The following LONP2 variants were observed in gnomAD, a reference collection of about 807,000 sequenced individuals.
LONP2 encodes lon peptidase 2, peroxisomal.
In LONP2, 60 loss-of-function variants were observed where a neutral mutation model predicts 85.6. That is an observed-to-expected ratio of 0.70 (90% CI 0.57 to 0.87). LONP2 has a LOEUF of 0.87. LONP2 is among the 40% of genes least tolerant of loss of function. The probability of loss-of-function intolerance (pLI) is 0.00; values close to 1 mark genes in which losing one functional copy is unlikely to be tolerated. For synonymous variants in LONP2, 395 were observed against 389.7 expected (o/e 1.01, Z -0.16); for missense variants, 860 against 1,063.5 (o/e 0.81, Z 2.66).
intron 1 of LONP2, among the ~76,000 whole-genome samples, chr16:48,244,929 C>A (rs1971272612): frequency 6.6e-6 from 1 of 152,150 alleles, no homozygotes; most frequent in Non-Finnish European, 1.5e-5. Context: ...CTTCAGCCTC[C>A]TAGGCCAGTG....
chr16:48,342,554 T>G lies in LONP2; in HGVS notation c.1939-4953T>G, dbSNP rs116662735. 4.2e-3 allele frequency among the ~76,000 whole-genome samples: 641 copies of G among 152,300 alleles called. 5 individuals are homozygous for G. Among genetic ancestry groups the G allele is most frequent in the African/African-American group, 0.015 (609 of 41,562 alleles). ...CCAAGAAAAGGCCCTACTGGAAGGA[T>G]TGGAGAGCAGCTGGTTCTCAGCAAT... On this transcript the variant is annotated intron_variant, in intron 12 of 14. Coordinates refer to ENST00000285737, the MANE Select transcript of LONP2 (RefSeq NM_031490.5).
intron 9 of LONP2, among the ~76,000 whole-genome samples, chr16:48,297,889 G>A (rs1314833934): frequency 6.6e-6 from 1 of 152,026 alleles, no homozygotes; most frequent in Non-Finnish European, 1.5e-5. Flanking sequence ...TAGTAGAGAT[G>A]GGATTTCACC....
downstream of LONP2, chr16:48,361,343 C>A: frequency 2.4e-6 from 1 of 420,192 alleles, no homozygotes; most frequent in South Asian, 3.6e-5. Flanking sequence ...ACAAAAGATG[C>A]CCATCTTGGG....
At chr16:48,336,203 A>G (rs1047709957) in intron 12 of LONP2, among the ~76,000 whole-genome samples, 1 of 152,240 alleles carries the variant, frequency 6.6e-6, no homozygotes, top group Non-Finnish European at 1.5e-5. Flanking sequence ...CATTGCTGAC[A>G]TTCCTGGAGC....
chr16:48,306,476 T>C (rs1213490746), intron 11 of LONP2, among the ~76,000 whole-genome samples: 1 of 152,184 alleles, frequency 6.6e-6, no homozygotes, highest in East Asian at 1.9e-4. Flanking sequence ...TCACAGGACA[T>C]CTCCTAAAAG....
At chr16:48,347,783 T>A (rs2151033384) in intron 13 of LONP2, 69 bp downstream of exon 13, 1 of 1,423,598 alleles carries the variant, frequency 7.0e-7, no homozygotes. Flanking sequence ...GAGACTGGCA[T>A]GAGCTCGAGA....
At position 48,252,299 on chromosome 16, in the gene LONP2, C is replaced by T. The variant is rs553483695; in HGVS notation, c.402C>T (p.Pro134=). The T allele has an allele frequency of 2.0e-5, 33 of 1,613,910 alleles. No homozygotes were observed. In the East Asian group the frequency reaches 7.1e-4, roughly 35 times the overall value. ...VEQLDRLEEF[P]NTCKMREELG... is the part of the protein sequence containing the mutation. The stretch of plus-strand genomic sequence containing the variant: ...AGTTGGACCGACTTGAGGAGTTTCC[C>T]AACACCTGTAAAATGAGGGAGGAGC... Residue 134 remains proline, a synonymous_variant, in exon 2 of 15, where the codon CCC becomes CCT. Coordinates refer to ENST00000285737, the MANE Select transcript of LONP2 (RefSeq NM_031490.5).
downstream of LONP2, chr16:48,357,352 A>AT (rs1960413937): frequency 1.3e-5 from 2 of 152,178 alleles, no homozygotes; most frequent in South Asian, 4.1e-4. Flanking sequence ...CTTTTGGTAA[A>AT]TTCAGGTTAG....
intron 12 of LONP2, among the ~76,000 whole-genome samples, chr16:48,337,368 T>C (rs1184903946): frequency 6.6e-6 from 1 of 152,198 alleles, no homozygotes; most frequent in African/African-American, 2.4e-5. Flanking sequence ...GAGGCTGGGC[T>C]CAACTTGTTG....
At chr16:48,358,199 A>C (rs1960445635), downstream of LONP2, among the ~76,000 whole-genome samples, 1 of 152,214 alleles carries the variant, frequency 6.6e-6, no homozygotes, top group African/African-American at 2.4e-5. Flanking sequence ...TAAACACAAA[A>C]TGTACTACCT....
Position 48,352,029 on chromosome 16 carries a change from C to G in LONP2, c.*227C>G. On this transcript the variant is annotated 3_prime_UTR_variant, in exon 15 of 15. Transcript: ENST00000285737. ...TCTTGTCTTTTTAGTGGGATCCTTA[C>G]TGTCCCTGGAAAGATATAGCATAGT... 1.8e-6 allele frequency: 1 copy of G among 553,232 alleles called. No homozygotes were observed. Among genetic ancestry groups the G allele is most frequent in the East Asian group, 3.1e-5 (1 of 32,448 alleles). The allele number at this position is 553,232 out of a possible 1,614,324, so 34.3% of individuals were successfully genotyped here. A position where few individuals can be genotyped will look rare whatever the true frequency, so the allele number is the denominator to read the frequency against.
intron 1 of LONP2, among the ~76,000 whole-genome samples, chr16:48,251,742 A>G (rs1369056192): frequency 3.9e-5 from 6 of 152,242 alleles, no homozygotes; most frequent in African/African-American, 7.2e-5. Context: ...GGTTTATGCT[A>G]TTTATATTTA....
intron 12 of LONP2, among the ~76,000 whole-genome samples, chr16:48,335,518 A>G (rs1241070524): frequency 6.6e-6 from 1 of 152,240 alleles, no homozygotes; most frequent in Non-Finnish European, 1.5e-5. Flanking sequence ...GAGCTTTCAT[A>G]GGTTGGTTAC....
At chr16:48,351,546 T>C (rs751507898) in intron 14 of LONP2, 35 bp from the exon 15 acceptor site, 4 of 1,563,024 alleles carry the variant, frequency 2.6e-6, no homozygotes, top group Non-Finnish European at 3.5e-6. Context: ...TTGAGGGTGA[T>C]CATTAACCCT....
At chr16:48,252,458 G>T in intron 2 of LONP2, 93 bp downstream of exon 2, 2 of 742,164 alleles carry the variant, frequency 2.7e-6, no homozygotes, top group South Asian at 2.2e-5. Flanking sequence ...TGAAGTTTTA[G>T]GACAGTATAC....
intron 11 of LONP2, among the ~76,000 whole-genome samples, chr16:48,311,536 C>G (rs1410707950): frequency 6.6e-6 from 1 of 151,910 alleles, no homozygotes; most frequent in Admixed American, 6.6e-5. Context: ...ATACCTATCT[C>G]TTTGGTAAAT....
intron 7 of LONP2, among the ~76,000 whole-genome samples, chr16:48,274,940 T>C (rs1239451023): frequency 6.6e-6 from 1 of 152,168 alleles, no homozygotes; most frequent in Non-Finnish European, 1.5e-5. Flanking sequence ...TTTAATTGAA[T>C]AGGTAGGAAG....
At chr16:48,281,800 T>C (rs1972333557) in intron 8 of LONP2, among the ~76,000 whole-genome samples, 1 of 152,200 alleles carries the variant, frequency 6.6e-6, no homozygotes, top group African/African-American at 2.4e-5. Context: ...TTAGATCCAG[T>C]TAGTAATTAG....
chr16:48,345,006 G>C (rs1959918958), intron 12 of LONP2: 1 of 152,004 alleles, frequency 6.6e-6, no homozygotes, highest in South Asian at 2.1e-4. Flanking sequence ...CAGATCACTT[G>C]AGGTCAGGAA....
Sources: allele counts gnomAD v4.1 joint callset (sites outside exome capture counted in the v4.1 genomes callset), GRCh38; gene constraint gnomAD v4.1.1; transcripts MANE v1.5; gene names NCBI Gene and HGNC (gene_info 2026-07-23, HGNC 2026-07-21).